LPP: variants seen among roughly 807,000 people sequenced by gnomAD.
LPP encodes the protein LIM domain containing preferred translocation partner in lipoma.
A neutral mutation model predicts 60.4 loss-of-function variants in LPP; 38 were observed. The ratio of observed to expected loss-of-function variants is 0.63; its 90% CI spans 0.49 to 0.83. LPP has a LOEUF of 0.83. Among genes scored for constraint, LPP ranks in the 40% least tolerant of loss-of-function variants. LPP has a pLI of 0.00. For synonymous variants in LPP, 328 were observed against 290.8 expected (o/e 1.13, Z -1.30); for missense variants, 902 against 783.6 (o/e 1.15, Z -1.80).
chr3:188,660,901 T>C (rs1318090058), intron 7 of LPP, among the ~76,000 whole-genome samples: 3 of 152,194 alleles, frequency 2.0e-5, no homozygotes. Context: ...GTGTTGTACA[T>C]GTTGTGGGCT....
chr3:188,166,616 A>G (rs896080575), intron 1 of LPP, among the ~76,000 whole-genome samples: 1 of 152,202 alleles, frequency 6.6e-6, no homozygotes, highest in Admixed American at 6.5e-5. Context: ...GAAAGGTTAA[A>G]TGATTTGCCC....
rs74726410 is a variant in LPP, at chr3:188,565,275, G to T, written c.429+40488G>T. Among the ~76,000 whole-genome samples the T allele has an allele frequency of 9.9e-5, 15 of 152,102 alleles. No homozygotes were observed. The East Asian group carries it at 2.9e-3, about 30-fold the overall frequency. On this transcript the variant is annotated intron_variant, in intron 6 of 11. Coordinates refer to ENST00000617246, the MANE Select transcript of LPP (RefSeq NM_001375462.1). Reference sequence around the variant, plus strand: ...TGGTTGGTGTGGTAGAGACAACATTGTATGTACTTCTCTATCACAGAGAGA... The same window carrying T: ...TGGTTGGTGTGGTAGAGACAACATTTTATGTACTTCTCTATCACAGAGAGA...
At position 188,411,267 on chromosome 3, in the gene LPP, T is replaced by C. The variant is rs557695028; in HGVS notation, c.193+4954T>C. ...TAGTCATAATTAAAAAAATAATAAA[T>C]GTTGGCATAGATATGGTGAAAAGGG... On this transcript the variant is annotated intron_variant, in intron 4 of 11. Coordinates refer to ENST00000617246, the MANE Select transcript of LPP (RefSeq NM_001375462.1). 1.2e-3 allele frequency among the ~76,000 whole-genome samples: 182 copies of C among 152,184 alleles called. 2 individuals are homozygous for C. In the South Asian group the frequency reaches 0.021, roughly 18 times the overall value.
At chr3:188,733,898 T>C (rs1177174829) in intron 8 of LPP, among the ~76,000 whole-genome samples, 1 of 152,226 alleles carries the variant, frequency 6.6e-6, no homozygotes, top group Non-Finnish European at 1.5e-5. Flanking sequence ...TTCTCACTTA[T>C]ACTTTTTAAA....
chr3:188,865,268 G>A (rs1194280986), intron 9 of LPP, among the ~76,000 whole-genome samples: 2 of 152,180 alleles, frequency 1.3e-5, no homozygotes, highest in Admixed American at 6.5e-5. Flanking sequence ...CTTTTAAGGG[G>A]TGCTATATAT....
intron 4 of LPP, among the ~76,000 whole-genome samples, chr3:188,421,649 G>A (rs1179714903): frequency 6.6e-6 from 1 of 152,062 alleles, no homozygotes; most frequent in Non-Finnish European, 1.5e-5. Flanking sequence ...ATCCCCTTTT[G>A]TTTTTCTGCT....
rs1396412478 is a variant in LPP at position 188,622,947 on chromosome 3, G to T, written c.1113+13103G>T. On this transcript the variant is annotated intron_variant, in intron 7 of 11. Coordinates refer to ENST00000617246, the MANE Select transcript of LPP (RefSeq NM_001375462.1). ...GGAGGCTGAGGCAGGGGAATCGCTCGAACCTGAGAGGTGGAGGCTGCAGTA... is the reference window on the plus strand; with the variant it reads ...GGAGGCTGAGGCAGGGGAATCGCTCTAACCTGAGAGGTGGAGGCTGCAGTA... 1.3e-5 allele frequency among the ~76,000 whole-genome samples: 2 copies of T among 150,506 alleles called. 1 individual carries two copies. Among genetic ancestry groups the T allele is most frequent in the African/African-American group, 4.9e-5 (2 of 40,834 alleles).
chr3:188,410,557 G>T (rs1784665927), intron 4 of LPP, among the ~76,000 whole-genome samples: 1 of 152,054 alleles, frequency 6.6e-6, no homozygotes, highest in South Asian at 2.1e-4. Flanking sequence ...CCAGTTAGTA[G>T]CTCTTTAGAT....
At chr3:188,872,811 G>A in intron 11 of LPP, 48 bp downstream of exon 11, 2 of 1,611,426 alleles carry the variant, frequency 1.2e-6, no homozygotes, top group Non-Finnish European at 1.7e-6. Flanking sequence ...GCGTTGAAAG[G>A]CTCGTTCGAG....
chr3:188,176,018 A>G (rs1392660131), intron 1 of LPP, among the ~76,000 whole-genome samples: 2 of 152,314 alleles, frequency 1.3e-5, no homozygotes, highest in East Asian at 3.9e-4. Context: ...GCCAGATCAA[A>G]ATCAGAATGG....
intron 4 of LPP, among the ~76,000 whole-genome samples, chr3:188,422,936 T>TGTGC (rs1788232611): frequency 6.6e-6 from 1 of 151,564 alleles, no homozygotes; most frequent in Non-Finnish European, 1.5e-5. Context: ...TGTGTGTGTG[T>TGTGC]GTGTGTGTGT....
chr3:188,211,135 C>T (rs1461025637), intron 1 of LPP, among the ~76,000 whole-genome samples: 2 of 152,132 alleles, frequency 1.3e-5, no homozygotes, highest in African/African-American at 4.8e-5. Context: ...GCTTTTAGGA[C>T]ACATGATTGG....
intron 9 of LPP, among the ~76,000 whole-genome samples, chr3:188,784,220 C>A (rs1577527075): frequency 6.6e-6 from 1 of 151,140 alleles, no homozygotes. Flanking sequence ...TAATAATTTC[C>A]AATTTCATCC....
chr3:188,351,343 T>G (rs756577452), intron 3 of LPP, among the ~76,000 whole-genome samples: 10 of 152,170 alleles, frequency 6.6e-5, no homozygotes, highest in Admixed American at 2.6e-4. Flanking sequence ...AAGAAATGAC[T>G]TACTTAAATT....
intron 6 of LPP, among the ~76,000 whole-genome samples, chr3:188,573,528 C>T (rs1194673115): frequency 1.3e-5 from 2 of 152,112 alleles, no homozygotes; most frequent in Non-Finnish European, 2.9e-5. Flanking sequence ...ATTGTCCCAG[C>T]GTTTCGGTAG....
intron 8 of LPP, among the ~76,000 whole-genome samples, chr3:188,750,681 A>G (rs1372666626): frequency 6.6e-6 from 1 of 152,178 alleles, no homozygotes; most frequent in African/African-American, 2.4e-5. Flanking sequence ...GTCCAGGTTA[A>G]CACTCTTTTT....
intron 9 of LPP, among the ~76,000 whole-genome samples, chr3:188,858,447 G>A (rs1030767335): frequency 3.3e-5 from 5 of 152,030 alleles, no homozygotes; most frequent in African/African-American, 4.8e-5. Context: ...TTACCTCTCC[G>A]GGCATTAAGG....
At chr3:188,692,843 C>T (rs2149489096) in intron 7 of LPP, among the ~76,000 whole-genome samples, 1 of 152,324 alleles carries the variant, frequency 6.6e-6, no homozygotes, top group South Asian at 2.1e-4. Flanking sequence ...ACTTGTTCTT[C>T]TCCGAATGAC....
intron 3 of LPP, among the ~76,000 whole-genome samples, chr3:188,351,338 A>G (rs189260289): frequency 5.3e-5 from 8 of 152,146 alleles, no homozygotes; most frequent in Non-Finnish European, 1.2e-4. Context: ...CAGGGAAGAA[A>G]TGACTTACTT....
Sources: gnomAD v4.1 joint callset for allele counts (sites outside exome capture counted in the v4.1 genomes callset) on GRCh38, gnomAD v4.1.1 for gene constraint, MANE v1.5 for transcripts, NCBI Gene and HGNC (gene_info 2026-07-23, HGNC 2026-07-21) for gene names.